The following NALF1 variants were observed in gnomAD, a reference collection of about 807,000 sequenced individuals.
The protein encoded by NALF1 is family with sequence similarity 155 member A.
NALF1 carries 3 observed loss-of-function variants against 48.4 expected under a neutral mutation model. The ratio of observed to expected loss-of-function variants is 0.06; its 90% CI spans 0.03 to 0.16. The LOEUF is 0.16. Ranked by LOEUF, NALF1 falls within the 10% of genes least tolerant of loss-of-function variation. The pLI is 1.00. For missense variants in NALF1, 526 were observed against 571.5 expected (o/e 0.92, Z 0.81); for synonymous variants, 262 against 245.7 (o/e 1.07, Z -0.62).
intron 1 of NALF1, among the ~76,000 whole-genome samples, chr13:107,639,412 C>T (rs181208612): frequency 7.9e-5 from 12 of 152,274 alleles, no homozygotes; most frequent in African/African-American, 2.6e-4. Flanking sequence ...ATGCCATGCA[C>T]GCATTTGCTC....
At chr13:107,711,463 G>A (rs1016578781) in intron 1 of NALF1, among the ~76,000 whole-genome samples, 16 of 152,226 alleles carry the variant, frequency 1.1e-4, no homozygotes, top group Admixed American at 3.3e-4. Flanking sequence ...AGCCTCTGGA[G>A]TAGCTGGGGC....
intron 1 of NALF1, among the ~76,000 whole-genome samples, chr13:107,807,669 T>A (rs1489853645): frequency 6.6e-6 from 1 of 152,174 alleles, no homozygotes; most frequent in Non-Finnish European, 1.5e-5. Context: ...ATCTGGTGAG[T>A]TCTAGGTCTC....
At chr13:107,319,200 A>G (rs1452908328) in intron 1 of NALF1, among the ~76,000 whole-genome samples, 1 of 152,058 alleles carries the variant, frequency 6.6e-6, no homozygotes, top group Admixed American at 6.6e-5. Context: ...CATCAAAACC[A>G]TCAGGGTTGG....
chr13:107,609,625 AGTGACAGAC>A (rs527576730), intron 1 of NALF1, among the ~76,000 whole-genome samples: 82 of 152,312 alleles, frequency 5.4e-4, no homozygotes, highest in African/African-American at 1.7e-3. Flanking sequence ...GGTCTCCGCA[AGTGACAGAC>A]GTGTTGTTTT....
chr13:107,438,881 T>TTTTAAAAAATTTAAAAAATCAAACA (rs1884510066), intron 1 of NALF1, among the ~76,000 whole-genome samples: 1 of 140,758 alleles, frequency 7.1e-6, no homozygotes, highest in Non-Finnish European at 1.6e-5. Context: ...GATGTTTGAT[T>TTTTAAAAAATTTAAAAAATCAAACA]TTTAAAAAAG....
chr13:107,694,285 A>C (rs938856845), intron 1 of NALF1, among the ~76,000 whole-genome samples: 1 of 150,600 alleles, frequency 6.6e-6, no homozygotes, highest in African/African-American at 2.4e-5. Flanking sequence ...CTCCTCCATA[A>C]GCTCAATACT....
chr13:107,792,013 A>G (rs768651385), intron 1 of NALF1, among the ~76,000 whole-genome samples: 7 of 152,334 alleles, frequency 4.6e-5, no homozygotes, highest in Non-Finnish European at 1.0e-4. Context: ...TTACAAAAAG[A>G]GCTGAAGTCT....
intron 1 of NALF1, among the ~76,000 whole-genome samples, chr13:107,463,810 A>C (rs528558935): frequency 2.6e-5 from 4 of 152,342 alleles, no homozygotes; most frequent in African/African-American, 9.6e-5. Flanking sequence ...ATTCCAAAAA[A>C]GCAGATACCA....
At chr13:107,358,663 T>A (rs1883006697) in intron 1 of NALF1, among the ~76,000 whole-genome samples, 1 of 152,168 alleles carries the variant, frequency 6.6e-6, no homozygotes. Context: ...TCTGCCATCA[T>A]CAGAAGAGTA....
intron 1 of NALF1, among the ~76,000 whole-genome samples, chr13:107,541,312 C>G (rs184355907): frequency 1.3e-5 from 2 of 152,042 alleles, no homozygotes; most frequent in Admixed American, 6.6e-5. Context: ...TCCTAAACAC[C>G]GTTGTTGTTT....
At chr13:107,340,527 T>C (rs1882661048) in intron 1 of NALF1, among the ~76,000 whole-genome samples, 1 of 90,454 alleles carries the variant, frequency 1.1e-5, no homozygotes, top group African/African-American at 4.9e-5. Context: ...TCTCTCTCTT[T>C]TTTTTTTTAA....
At chr13:107,719,829 C>T (rs1012680922) in intron 1 of NALF1, among the ~76,000 whole-genome samples, 1 of 152,154 alleles carries the variant, frequency 6.6e-6, no homozygotes, top group Admixed American at 6.5e-5. Context: ...ATAATACCAA[C>T]AGTCTAATGG....
rs767562312 is a variant in NALF1 at position 107,840,199 on chromosome 13, G to A, written c.915+25483C>T. Among the ~76,000 whole-genome samples the A allele has an allele frequency of 5.8e-4, 89 of 152,270 alleles. 1 individual carries two copies. Among genetic ancestry groups the A allele is most frequent in the Non-Finnish European group, 9.6e-4 (65 of 68,022 alleles). On this transcript the variant is annotated intron_variant, in intron 1 of 2. Transcript: ENST00000375915. The stretch of plus-strand genomic sequence containing the variant: ...CTCTATACATGCAACTATACGAATA[G>A]GAAAGAAACAGAGGATTGAGTCTTT...
chr13:107,179,181 T>C (rs1879008605), intron 2 of NALF1, among the ~76,000 whole-genome samples: 1 of 151,984 alleles, frequency 6.6e-6, no homozygotes, highest in South Asian at 2.1e-4. Context: ...TATTCAGCCA[T>C]AAAAAGGAAT....
chr13:107,563,591 T>A (rs1877707520), intron 1 of NALF1, among the ~76,000 whole-genome samples: 1 of 152,230 alleles, frequency 6.6e-6, no homozygotes. Context: ...TTGTGACGTA[T>A]CCTGCAGAAA....
intron 1 of NALF1, among the ~76,000 whole-genome samples, chr13:107,660,244 C>T (rs1880691715): frequency 6.6e-6 from 1 of 151,734 alleles, no homozygotes; most frequent in South Asian, 2.1e-4. Flanking sequence ...TCAAGACCAT[C>T]CTGGCCAAGA....
intron 1 of NALF1, among the ~76,000 whole-genome samples, chr13:107,461,901 T>C (rs1428877309): frequency 6.6e-6 from 1 of 152,192 alleles, no homozygotes; most frequent in Non-Finnish European, 1.5e-5. Flanking sequence ...CTGGCTCTTT[T>C]CCCAGCTTTT....
In NALF1 at chr13:107,865,870, T is replaced by C. The variant is rs780997382; in HGVS notation, c.727A>G (p.Thr243Ala). 3 of 1,613,820 alleles carry C rather than the reference T, an allele frequency of 1.9e-6. No individual in the cohort carries two copies. Among genetic ancestry groups the C allele is most frequent in the East Asian group, 2.2e-5 (1 of 44,824 alleles). The change falls in exon 1 of 3, where the codon ACT (threonine) becomes GCT (alanine). Residue 243 changes from threonine to alanine, a missense_variant. Thr to Ala is a moderately conservative substitution (Grantham distance 58). Transcript: ENST00000375915. ...ACCACATCCAGACTGCAGTTCAAAG[T>C]GTTGGGACTGGACAACCCCGAGAAC... ...ELFSGLSSPN[T>A]LNCSLDVVLK...
chr13:107,835,454 G>C (rs2138630726), intron 1 of NALF1: 1 of 152,274 alleles, frequency 6.6e-6, no homozygotes, highest in South Asian at 2.1e-4. Context: ...GAAAGCAGGA[G>C]GAATAAACCT....
Sources: gnomAD v4.1 joint callset for allele counts (sites outside exome capture counted in the v4.1 genomes callset) on GRCh38, gnomAD v4.1.1 for gene constraint, MANE v1.5 for transcripts, NCBI Gene and HGNC (gene_info 2026-07-23, HGNC 2026-07-21) for gene names.